Variants in TAS2R4 observed in about 807,000 individuals in gnomAD.
TAS2R4 encodes taste receptor type 2 member 4.
TAS2R4 carries 18 observed loss-of-function variants against 14.3 expected under a neutral mutation model. That is an observed-to-expected ratio of 1.26 (90% CI 0.87 to 1.86). The LOEUF (loss-of-function observed/expected upper bound fraction) is 1.86. Among genes scored for constraint, TAS2R4 ranks in the 40% most tolerant of loss-of-function variants. TAS2R4 has a pLI of 0.00. For synonymous variants in TAS2R4, 130 were observed against 138.5 expected, an observed-to-expected ratio of 0.94 and a Z score of 0.43; for missense variants, 306 against 342.7, an observed-to-expected ratio of 0.89 and a Z score of 0.85.
chr7:141,778,461 A>T lies in TAS2R4; in HGVS notation c.-28A>T. ...TTCTTCTGCCTCCACTATCAGCACCACAACTGCTGAATCCTCAATGAGTAA... is the reference window on the plus strand; with the variant it reads ...TTCTTCTGCCTCCACTATCAGCACCTCAACTGCTGAATCCTCAATGAGTAA... On this transcript the variant is annotated 5_prime_UTR_variant, in exon 1 of 1. Coordinates refer to ENST00000247881, the MANE Select transcript of TAS2R4 (RefSeq NM_016944.2). 6.3e-7 allele frequency: 1 copy of T among 1,579,800 alleles called. No individual in the cohort carries two copies. Among genetic ancestry groups the T allele is most frequent in the African/African-American group, 1.4e-5 (1 of 74,014 alleles).
Position 141,779,116 on chromosome 7 carries a change from A to T in TAS2R4, c.628A>T (p.Met210Leu), listed in dbSNP as rs754957245. 6.2e-7 allele frequency: 1 copy of T among 1,614,242 alleles called. No homozygotes were observed. ...IHSLRRHIQK[M>L]QKNATGFWNP... is the part of the protein sequence containing the mutation. ...CTCCTTGAGGAGACATATACAGAAG[A>T]TGCAGAAAAATGCCACTGGTTTCTG... Residue 210 changes from methionine (M) to leucine (L), a missense_variant, in exon 1 of 1, where the codon ATG (methionine) becomes TTG (leucine). Coordinates refer to ENST00000247881, the MANE Select transcript of TAS2R4 (RefSeq NM_016944.2).
At position 141,780,011 on chromosome 7, in the gene TAS2R4, T is replaced by C. The variant is rs1800302054; in HGVS notation, c.*623T>C. On this transcript the variant is annotated 3_prime_UTR_variant, in exon 1 of 1. Coordinates refer to ENST00000247881, the MANE Select transcript of TAS2R4 (RefSeq NM_016944.2). The stretch of plus-strand genomic sequence containing the variant: ...TCGTGAGGTCAGGAGATCGAGACCA[T>C]CCTGGCTAACACGGTGAAACCCTGT... 6.6e-6 allele frequency: 1 copy of C among 152,274 alleles called. No individual in the cohort carries two copies. Among genetic ancestry groups the C allele is most frequent in the South Asian group, 2.1e-4 (1 of 4,828 alleles). The allele number at this position is 152,274 out of a possible 1,614,324, so 9.4% of individuals were successfully genotyped here. A position where few individuals can be genotyped will look rare whatever the true frequency, so the allele number is the denominator to read the frequency against.
In TAS2R4 at chr7:141,779,220, T is replaced by G. The variant is rs1800290326; in HGVS notation, c.732T>G (p.Val244=). The change falls in exon 1 of 1, where the codon GTT becomes GTG. Residue 244 remains valine, a synonymous_variant. Transcript: ENST00000247881. ...TCATCCTCTACATTCCATATTCAGT[T>G]GCTACCCTGGTCCAGTATCTCCCCT... is the stretch of plus-strand genomic sequence containing the variant. The part of the protein sequence containing the change: ...YFLILYIPYS[V]ATLVQYLPFY... 6.2e-7 allele frequency: 1 copy of G among 1,614,214 alleles called. No homozygotes were observed. The highest frequency in any genetic ancestry group is 8.5e-7 in the Non-Finnish European group (1 of 1,180,040).
rs1283041491 is a variant in TAS2R4 at position 141,778,923 on chromosome 7, C to T, written c.435C>T (p.Cys145=). 1 of 1,614,200 alleles carries T rather than the reference C, an allele frequency of 6.2e-7. No homozygotes were observed. Among genetic ancestry groups the T allele is most frequent in the Non-Finnish European group, 8.5e-7 (1 of 1,180,042 alleles). Residue 145 remains cysteine (C), a synonymous_variant, in exon 1 of 1, where the codon TGC becomes TGT. Transcript: ENST00000247881. ...TGCTGATTTCTGCTTTCACCACTTG[C>T]CTGTACATCACGCTTAGCCAGGCAT... is the stretch of plus-strand genomic sequence containing the variant. ...ACVLISAFTT[C]LYITLSQASP...
In TAS2R4 at chr7:141,779,126, A is replaced by G. The variant is rs779003558; in HGVS notation, c.638A>G (p.Asn213Ser). 5.2e-5 allele frequency: 84 copies of G among 1,614,078 alleles called. No homozygotes were observed. The highest frequency in any genetic ancestry group is 6.7e-5 in the Non-Finnish European group (79 of 1,180,040). The stretch of plus-strand genomic sequence containing the variant: ...AGACATATACAGAAGATGCAGAAAA[A>G]TGCCACTGGTTTCTGGAATCCCCAG... ...LRRHIQKMQK[N>S]ATGFWNPQTE... is the part of the protein sequence containing the mutation. Residue 213 changes from asparagine to serine, a missense_variant, in exon 1 of 1, where the codon AAT becomes AGT. Physicochemically the swap from Asn to Ser is conservative, Grantham distance 46 (BLOSUM62 1). Coordinates refer to ENST00000247881, the MANE Select transcript of TAS2R4 (RefSeq NM_016944.2).
chr7:141,779,588 G>A lies in TAS2R4; in HGVS notation c.*200G>A, dbSNP rs1264613814. The A allele has an allele frequency of 1.2e-5, 6 of 515,342 alleles. No homozygotes were observed. The Admixed American group carries it at 2.2e-4, about 19-fold the overall frequency. 31.9% of individuals were successfully genotyped at this position (515,342 alleles called of 1,614,324 possible). ...AGTATTTTAAAATAAGGCACATTCT[G>A]TAAGAAACTTTTTTGAGGCATTATT... On this transcript the variant is annotated 3_prime_UTR_variant, in exon 1 of 1. Coordinates refer to ENST00000247881, the MANE Select transcript of TAS2R4 (RefSeq NM_016944.2).
Position 141,779,438 on chromosome 7 carries a change from GA to G in TAS2R4, c.*51del. The G allele has an allele frequency of 6.6e-7, 1 of 1,507,032 alleles. No homozygotes were observed. The highest frequency in any genetic ancestry group is 8.9e-7 in the Non-Finnish European group (1 of 1,123,944). The allele number at this position is 1,507,032 out of a possible 1,614,324, so 93.4% of individuals were successfully genotyped here. ...GATTTACCTGATGGTTTGGGGGCAA[GA>G]TTTTCTGTTTGCAGTTTTCCCAGTG... On this transcript the variant is annotated 3_prime_UTR_variant, in exon 1 of 1. Coordinates refer to ENST00000247881, the MANE Select transcript of TAS2R4 (RefSeq NM_016944.2).
rs1161937318 is a variant in TAS2R4, at chr7:141,776,973, A to G, written c.-1516A>G. 2.0e-5 allele frequency among the ~76,000 whole-genome samples: 3 copies of G among 152,176 alleles called. No individual in the cohort carries two copies. Among genetic ancestry groups the G allele is most frequent in the Non-Finnish European group, 2.9e-5 (2 of 68,026 alleles). ...TACATTCTAGATAGAGTTTGTTACT[A>G]TCTAATTCTGGGATTCCTGCTCTTT... On this transcript the variant is annotated 5_prime_UTR_variant, in exon 1 of 1. Coordinates refer to ENST00000247881, the MANE Select transcript of TAS2R4 (RefSeq NM_016944.2).
rs1172225118 is a variant in TAS2R4 at position 141,777,430 on chromosome 7, C to T, written c.-1059C>T. 6.6e-6 allele frequency among the ~76,000 whole-genome samples: 1 copy of T among 152,186 alleles called. No individual in the cohort carries two copies. The highest frequency in any genetic ancestry group is 1.5e-5 in the Non-Finnish European group (1 of 68,038). On this transcript the variant is annotated 5_prime_UTR_variant, in exon 1 of 1. Coordinates refer to ENST00000247881, the MANE Select transcript of TAS2R4 (RefSeq NM_016944.2). ...GATGCTACTTTGGTAACATCTGTGG[C>T]TGCATCCAGGATTGCACCTTGGTTT...
rs1229170345 is a variant in TAS2R4, at chr7:141,780,539, G to A, written c.*1151G>A. On this transcript the variant is annotated 3_prime_UTR_variant, in exon 1 of 1. Coordinates refer to ENST00000247881, the MANE Select transcript of TAS2R4 (RefSeq NM_016944.2). ...TGGAACTCAGTGGAAAGCCAAAAAAGCACTGGACAGGTGGTGGGAGTGCTT... is the reference window on the plus strand; with the variant it reads ...TGGAACTCAGTGGAAAGCCAAAAAAACACTGGACAGGTGGTGGGAGTGCTT... 1.3e-5 allele frequency: 2 copies of A among 152,174 alleles called. No homozygotes were observed. Among genetic ancestry groups the A allele is most frequent in the African/African-American group, 4.8e-5 (2 of 41,428 alleles). 9.4% of individuals were successfully genotyped at this position (152,174 alleles called of 1,614,324 possible). A position where few individuals can be genotyped will look rare whatever the true frequency, so the allele number is the denominator to read the frequency against.
At position 141,781,072 on chromosome 7, in the gene TAS2R4, A is replaced by C. The variant is rs1268237116; in HGVS notation, c.*1684A>C. Among the ~76,000 whole-genome samples the C allele has an allele frequency of 6.6e-6, 1 of 152,170 alleles. No individual in the cohort carries two copies. Among genetic ancestry groups the C allele is most frequent in the Non-Finnish European group, 1.5e-5 (1 of 68,034 alleles). On this transcript the variant is annotated 3_prime_UTR_variant, in exon 1 of 1. Coordinates refer to ENST00000247881, the MANE Select transcript of TAS2R4 (RefSeq NM_016944.2). Reference sequence around the variant, plus strand: ...ATAGTAATCAAATCATTAGCTGTTCAGAATTTTGGCAGCAAATTCCATTAT... The same window carrying C: ...ATAGTAATCAAATCATTAGCTGTTCCGAATTTTGGCAGCAAATTCCATTAT...
Position 141,780,824 on chromosome 7 carries a change from C to G in TAS2R4, c.*1436C>G, listed in dbSNP as rs1800312183. 1 of 151,982 alleles carries G rather than the reference C, an allele frequency of 6.6e-6. No individual in the cohort carries two copies. Among genetic ancestry groups the G allele is most frequent in the Non-Finnish European group, 1.5e-5 (1 of 68,006 alleles). The allele number at this position is 151,982 out of a possible 1,614,324, so 9.4% of individuals were successfully genotyped here. ...TCTTAAAATTTTATAAATTACATGA[C>G]TTTTCTCATTCTGGCCACCAGAATC... On this transcript the variant is annotated 3_prime_UTR_variant, in exon 1 of 1. Transcript: ENST00000247881.
rs1331726422 is a variant in TAS2R4, at chr7:141,776,698, C to A, written c.-1791C>A. 6.6e-6 allele frequency among the ~76,000 whole-genome samples: 1 copy of A among 151,250 alleles called. No homozygotes were observed. Among genetic ancestry groups the A allele is most frequent in the Non-Finnish European group, 1.5e-5 (1 of 67,832 alleles). On this transcript the variant is annotated 5_prime_UTR_variant, in exon 1 of 1. Coordinates refer to ENST00000247881, the MANE Select transcript of TAS2R4 (RefSeq NM_016944.2). ...TCTAGAAACATAGTTGATGTTCTTA[C>A]CCTTATCATATAAGGATAAGATTAT...
Position 141,780,286 on chromosome 7 carries a change from A to T in TAS2R4, c.*898A>T, listed in dbSNP as rs1166096427. On this transcript the variant is annotated 3_prime_UTR_variant, in exon 1 of 1. Coordinates refer to ENST00000247881, the MANE Select transcript of TAS2R4 (RefSeq NM_016944.2). ...CTTGCTGGGTAATAGTAACTGTGCT[A>T]TTCCTAGCAAGAAACCCTAAGGTTT... is the stretch of plus-strand genomic sequence containing the variant. The T allele has an allele frequency of 6.6e-6, 1 of 152,218 alleles. No homozygotes were observed. Among genetic ancestry groups the T allele is most frequent in the Non-Finnish European group, 1.5e-5 (1 of 68,056 alleles). 9.4% of individuals were successfully genotyped at this position (152,218 alleles called of 1,614,324 possible). A position where few individuals can be genotyped will look rare whatever the true frequency, so the allele number is the denominator to read the frequency against.
rs768472565 is a variant in TAS2R4 at position 141,780,910 on chromosome 7, G to T, written c.*1522G>T. ...ATATTTTGTGCTATGAAACCTGGAG[G>T]TATTCATCATGTTAAATCCTAAGAG... On this transcript the variant is annotated 3_prime_UTR_variant, in exon 1 of 1. Transcript: ENST00000247881. The T allele has an allele frequency of 6.6e-6, 1 of 152,038 alleles. No homozygotes were observed. Among genetic ancestry groups the T allele is most frequent in the Non-Finnish European group, 1.5e-5 (1 of 68,024 alleles). 9.4% of individuals were successfully genotyped at this position (152,038 alleles called of 1,614,324 possible).
Position 141,777,179 on chromosome 7 carries a change from G to A in TAS2R4, c.-1310G>A, listed in dbSNP as rs1261225491. On this transcript the variant is annotated 5_prime_UTR_variant, in exon 1 of 1. Transcript: ENST00000247881. ...GCTCATTCTGTTTGCCTGCTTACCT[G>A]ATGTGGGCATGCCTCTATCAGTGCC... Among the ~76,000 whole-genome samples the A allele has an allele frequency of 6.6e-6, 1 of 152,152 alleles. No individual in the cohort carries two copies. The highest frequency in any genetic ancestry group is 2.4e-5 in the African/African-American group (1 of 41,436).
rs1000419230 is a variant in TAS2R4, at chr7:141,778,000, A to G, written c.-489A>G. 6.6e-6 allele frequency among the ~76,000 whole-genome samples: 1 copy of G among 152,140 alleles called. No homozygotes were observed. Among genetic ancestry groups the G allele is most frequent in the Non-Finnish European group, 1.5e-5 (1 of 68,038 alleles). ...GTGGCAGCAACAGATTAGAGGGGAGAGAGAAATTGGATTCTGGTCATCCAT... is the reference window on the plus strand; with the variant it reads ...GTGGCAGCAACAGATTAGAGGGGAGGGAGAAATTGGATTCTGGTCATCCAT... On this transcript the variant is annotated 5_prime_UTR_variant, in exon 1 of 1. Transcript: ENST00000247881.
In TAS2R4 at chr7:141,777,593, T is replaced by C. The variant is rs1357963485; in HGVS notation, c.-896T>C. Reference sequence around the variant, plus strand: ...GAAATCCAGCAATGAGATGCCTAGCTGTTTGGCTCACAAAACTACAACTAA... The same window carrying C: ...GAAATCCAGCAATGAGATGCCTAGCCGTTTGGCTCACAAAACTACAACTAA... On this transcript the variant is annotated 5_prime_UTR_variant, in exon 1 of 1. Coordinates refer to ENST00000247881, the MANE Select transcript of TAS2R4 (RefSeq NM_016944.2). Among the ~76,000 whole-genome samples the C allele has an allele frequency of 6.6e-6, 1 of 152,230 alleles. No individual in the cohort carries two copies. The highest frequency in any genetic ancestry group is 1.5e-5 in the Non-Finnish European group (1 of 68,034).
Position 141,778,322 on chromosome 7 carries a change from C to T in TAS2R4, c.-167C>T, listed in dbSNP as rs1800269513. 4 of 613,504 alleles carry T rather than the reference C, an allele frequency of 6.5e-6. No homozygotes were observed. Among genetic ancestry groups the T allele is most frequent in the Non-Finnish European group, 1.1e-5 (4 of 352,940 alleles). The allele number at this position is 613,504 out of a possible 1,614,324, so 38.0% of individuals were successfully genotyped here. A position where few individuals can be genotyped will look rare whatever the true frequency, so the allele number is the denominator to read the frequency against. On this transcript the variant is annotated 5_prime_UTR_variant, in exon 1 of 1. Coordinates refer to ENST00000247881, the MANE Select transcript of TAS2R4 (RefSeq NM_016944.2). The stretch of plus-strand genomic sequence containing the variant: ...TGTAATCCTTGGAAGATTTGCATCT[C>T]AGTAAAATCAGGTGGCCCTTGATCA...
Sources: allele counts gnomAD v4.1 joint callset (sites outside exome capture counted in the v4.1 genomes callset), GRCh38; gene constraint gnomAD v4.1.1; transcripts MANE v1.5; gene names NCBI Gene and HGNC (gene_info 2026-07-23, HGNC 2026-07-21).